The following DSCAML1 variants were observed in gnomAD, a reference collection of about 807,000 sequenced individuals.
DSCAML1 encodes DS cell adhesion molecule like 1, also known as cell adhesion molecule DSCAML1.
In DSCAML1, 38 loss-of-function variants were observed where a neutral mutation model predicts 200.5. The ratio of observed to expected loss-of-function variants is 0.19; its 90% CI spans 0.15 to 0.25. DSCAML1 has a LOEUF of 0.25. DSCAML1 is among the 10% of genes least tolerant of loss of function. The pLI is 1.00. For missense variants in DSCAML1, 2,223 were observed against 2,858.8 expected, an observed-to-expected ratio of 0.78 and a Z score of 5.07; for synonymous variants, 1,215 against 1,165.0, an observed-to-expected ratio of 1.04 and a Z score of -0.87.
intron 3 of DSCAML1, among the ~76,000 whole-genome samples, chr11:117,614,006 G>A (rs924888515): frequency 6.6e-6 from 1 of 152,194 alleles, no homozygotes; most frequent in Non-Finnish European, 1.5e-5. Context: ...CTGGGTGAAG[G>A]AGGGGCTACT....
At chr11:117,510,348 G>A (rs2137289608) in intron 8 of DSCAML1, among the ~76,000 whole-genome samples, 1 of 152,284 alleles carries the variant, frequency 6.6e-6, no homozygotes, top group East Asian at 1.9e-4. Flanking sequence ...AAGTGACTGT[G>A]GGCAAGGCAC....
intron 11 of DSCAML1, among the ~76,000 whole-genome samples, chr11:117,495,305 G>A (rs2049269561): frequency 6.6e-6 from 1 of 152,210 alleles, no homozygotes; most frequent in Non-Finnish European, 1.5e-5. Context: ...CCCAGCACCT[G>A]GCTCAAGCTC....
At position 117,431,553 on chromosome 11, in the gene DSCAML1, G is replaced by A. The variant is rs370512299; in HGVS notation, c.5355C>T (p.Ala1785=). ...VTVTESDSYS[A]SLSQDTDKGR... is the part of the protein sequence containing the mutation. The stretch of plus-strand genomic sequence containing the variant: ...GCACACCTGTGTCCTGGGACAGGCT[G>A]GCACTGTAGCTGTCACTCTCAGTGA... The change falls in exon 31 of 33, where the codon GCC becomes GCT. Residue 1785 remains alanine, a synonymous_variant. Coordinates refer to ENST00000651296, the MANE Select transcript of DSCAML1 (RefSeq NM_020693.4). The A allele has an allele frequency of 1.1e-5, 18 of 1,594,502 alleles. No homozygotes were observed. The highest frequency in any genetic ancestry group is 3.6e-4 in the Middle Eastern group (2 of 5,620).
At chr11:117,613,434 G>A (rs1204527144) in intron 3 of DSCAML1, among the ~76,000 whole-genome samples, 1 of 152,184 alleles carries the variant, frequency 6.6e-6, no homozygotes, top group East Asian at 1.9e-4. Context: ...GGAATAATAG[G>A]GTGCGCTCTC....
rs538161108 is a variant in DSCAML1, at chr11:117,469,627, G to A, written c.3024+283C>T. ...TGGACGACGGGCCAGCACCACCGAGGAACCATCTTCCCTCCTTGGCACTGC... is the reference window on the plus strand; with the variant it reads ...TGGACGACGGGCCAGCACCACCGAGAAACCATCTTCCCTCCTTGGCACTGC... On this transcript the variant is annotated intron_variant, in intron 16 of 32. Transcript: ENST00000651296. This position sits in a 1 kb window ranked among gnomAD's most constrained non-coding sequence, Gnocchi z 4.1. Among the ~76,000 whole-genome samples, 1 of 152,186 alleles carries A rather than the reference G, an allele frequency of 6.6e-6. No individual in the cohort carries two copies. The highest frequency in any genetic ancestry group is 1.9e-4 in the East Asian group (1 of 5,170).
chr11:117,501,243 G>C (rs1042581026), intron 11 of DSCAML1, among the ~76,000 whole-genome samples: 9 of 152,068 alleles, frequency 5.9e-5, no homozygotes, highest in Non-Finnish European at 1.3e-4. Flanking sequence ...TAGCTGGGGC[G>C]GGGGGTTACT....
intron 3 of DSCAML1, among the ~76,000 whole-genome samples, chr11:117,733,920 C>T (rs998983792): frequency 7.5e-6 from 1 of 133,854 alleles, no homozygotes; most frequent in Admixed American, 7.7e-5. Flanking sequence ...TCTGGGCCTC[C>T]AATCTCAGGG....
At chr11:117,485,098 G>A in intron 11 of DSCAML1, among the ~76,000 whole-genome samples, 1 of 152,268 alleles carries the variant, frequency 6.6e-6, no homozygotes, top group Non-Finnish European at 1.5e-5. Flanking sequence ...GGTGCTGCCT[G>A]GTGCCGGGAG....
At chr11:117,669,854 C>A (rs2053066300) in intron 3 of DSCAML1, among the ~76,000 whole-genome samples, 1 of 152,212 alleles carries the variant, frequency 6.6e-6, no homozygotes, top group Non-Finnish European at 1.5e-5. Flanking sequence ...ATCCTTGTGG[C>A]TATAGCTCAA....
intron 1 of DSCAML1, among the ~76,000 whole-genome samples, chr11:117,816,312 C>G (rs1207048045): frequency 6.6e-6 from 1 of 152,190 alleles, no homozygotes; most frequent in African/African-American, 2.4e-5. Context: ...CCGCTGTGGC[C>G]CTGGCTCCGA....
At chr11:117,485,646 C>T (rs369167562) in intron 11 of DSCAML1, among the ~76,000 whole-genome samples, 7 of 152,256 alleles carry the variant, frequency 4.6e-5, no homozygotes, top group African/African-American at 1.4e-4. Context: ...GATTCTAGTC[C>T]TATCCCCAAG....
At chr11:117,559,750 G>C (rs1477851879) in intron 3 of DSCAML1, among the ~76,000 whole-genome samples, 3 of 152,126 alleles carry the variant, frequency 2.0e-5, no homozygotes, top group African/African-American at 7.2e-5. Flanking sequence ...TGAAGAAGGG[G>C]CAGAGAGCTC....
chr11:117,481,141 G>A lies in DSCAML1; in HGVS notation c.2656+33C>T, dbSNP rs760994600. 7 of 1,604,074 alleles carry A rather than the reference G, an allele frequency of 4.4e-6. No homozygotes were observed. In the Admixed American group the frequency reaches 5.0e-5, roughly 11 times the overall value. On this transcript the variant is annotated intron_variant, in intron 13 of 32. Coordinates refer to ENST00000651296, the MANE Select transcript of DSCAML1 (RefSeq NM_020693.4). ...CGGTGGGCCCCTGGGCCCTGGGGAG[G>A]TGGGATGGGAAGGGTGGGGCAGGTG...
At chr11:117,744,097 T>C (rs1311915250) in intron 3 of DSCAML1, among the ~76,000 whole-genome samples, 2 of 152,206 alleles carry the variant, frequency 1.3e-5, no homozygotes, top group African/African-American at 2.4e-5. Flanking sequence ...ATAATGATTG[T>C]TTGCCATGTG....
intron 3 of DSCAML1, among the ~76,000 whole-genome samples, chr11:117,750,159 C>T (rs534761416): frequency 2.0e-5 from 3 of 152,154 alleles, no homozygotes; most frequent in African/African-American, 7.2e-5. Context: ...AGAGAGAGAA[C>T]AAGGGATGTC....
intron 3 of DSCAML1, among the ~76,000 whole-genome samples, chr11:117,706,620 G>A (rs543830748): frequency 6.6e-6 from 1 of 152,348 alleles, no homozygotes; most frequent in East Asian, 1.9e-4. Flanking sequence ...AATGCCGTGT[G>A]TCGCAGCCAA....
intron 4 of DSCAML1, among the ~76,000 whole-genome samples, chr11:117,525,344 C>T (rs1324987377): frequency 6.6e-6 from 1 of 152,064 alleles, no homozygotes. Context: ...GAGTTCGGGA[C>T]TAGAGTGACA....
chr11:117,667,454 G>C (rs1178842450), intron 3 of DSCAML1, among the ~76,000 whole-genome samples: 2 of 152,248 alleles, frequency 1.3e-5, no homozygotes, highest in Non-Finnish European at 2.9e-5. Flanking sequence ...TTCTGCCCGG[G>C]GTCTGACTAG....
chr11:117,486,865 T>G, intron 11 of DSCAML1, among the ~76,000 whole-genome samples: 1 of 134,372 alleles, frequency 7.4e-6, no homozygotes, highest in Non-Finnish European at 1.6e-5. Context: ...AAATACATAG[T>G]GGATTTCAAA....
Sources: allele counts gnomAD v4.1 joint callset (sites outside exome capture counted in the v4.1 genomes callset), GRCh38; gene constraint gnomAD v4.1.1; non-coding constraint Gnocchi (gnomAD v3.1); transcripts MANE v1.5; gene names NCBI Gene and HGNC (gene_info 2026-07-23, HGNC 2026-07-21).